Variants in LFNG observed in about 807,000 individuals in gnomAD.
The protein encoded by LFNG is LFNG O-fucosylpeptide 3-beta-N-acetylglucosaminyltransferase, also known as beta-1,3-N-acetylglucosaminyltransferase lunatic fringe.
LFNG carries 15 observed loss-of-function variants against 32.7 expected under a neutral mutation model. The observed-to-expected ratio is 0.46, with a 90% CI of 0.31 to 0.71. The LOEUF (loss-of-function observed/expected upper bound fraction) is 0.71, where lower values mean the gene tolerates loss of function less well. LFNG is among the 30% of genes least tolerant of loss of function. The pLI, the probability that LFNG is intolerant of heterozygous loss-of-function variation, is 0.06. For synonymous variants in LFNG, 274 were observed against 246.8 expected (o/e 1.11, Z -1.03); for missense variants, 520 against 545.7 (o/e 0.95, Z 0.47).
chr7:2,521,206 G>C (rs1245345141), intron 1 of LFNG, among the ~76,000 whole-genome samples: 1 of 152,148 alleles, frequency 6.6e-6, no homozygotes, highest in African/African-American at 2.4e-5. Context: ...AGGGCTTGGT[G>C]AGGTCATGAG....
At chr7:2,518,345 T>C (rs1779680459), upstream of LFNG, among the ~76,000 whole-genome samples, 1 of 152,126 alleles carries the variant, frequency 6.6e-6, no homozygotes, top group South Asian at 2.1e-4. Context: ...TGACTGCTAA[T>C]TACCTGGGGC....
At chr7:2,517,234 G>A (rs1474178188), upstream of LFNG, among the ~76,000 whole-genome samples, 1 of 152,140 alleles carries the variant, frequency 6.6e-6, no homozygotes, top group African/African-American at 2.4e-5. Context: ...ACCTCAAGAA[G>A]TCACCACGAA....
rs893240 is a variant in LFNG, at chr7:2,525,649, C to T, written c.736-36C>T. On this transcript the variant is annotated intron_variant, in intron 4 of 7. Coordinates refer to ENST00000222725, the MANE Select transcript of LFNG (RefSeq NM_001040167.2). ...GGGGTGGGACCGTGAGGGGCAGCAG[C>T]GCCTGGGTCTCAGGACACCTTCTCC... is the stretch of plus-strand genomic sequence containing the variant. The T allele has an allele frequency of 0.069, 111,738 of 1,611,928 alleles. 4,276 individuals are homozygous for T. The highest frequency in any genetic ancestry group is 0.11 in the East Asian group (4,842 of 44,858).
rs559622360 is a variant in LFNG, at chr7:2,520,802, G to A, written c.432+509G>A. Among the ~76,000 whole-genome samples the A allele has an allele frequency of 2.0e-5, 3 of 152,236 alleles. No individual in the cohort carries two copies. The highest frequency in any genetic ancestry group is 7.2e-5 in the African/African-American group (3 of 41,522). ...AGTCATTGCTGGTTGGTGGGTCCTG[G>A]GGAGTACATCTCAAAGAACTCCAGG... On this transcript the variant is annotated intron_variant, in intron 1 of 7. Transcript: ENST00000222725. This position sits in a 1 kb window ranked among gnomAD's most constrained non-coding sequence, Gnocchi z 5.0.
chr7:2,515,584 C>T (rs1317133480), upstream of LFNG, among the ~76,000 whole-genome samples: 1 of 152,250 alleles, frequency 6.6e-6, no homozygotes, highest in African/African-American at 2.4e-5. Flanking sequence ...TCTGTCCATG[C>T]CTGACCCCAG....
chr7:2,522,922 C>T (rs1335229861), intron 1 of LFNG, among the ~76,000 whole-genome samples: 1 of 152,228 alleles, frequency 6.6e-6, no homozygotes, highest in East Asian at 1.9e-4. Flanking sequence ...AGGCCTATAG[C>T]CCAGCAGCGC....
chr7:2,518,545 C>T (rs1164941031), upstream of LFNG: 2 of 1,372,198 alleles, frequency 1.5e-6, no homozygotes, highest in East Asian at 2.3e-5. Context: ...AAACCTGTTC[C>T]AGGTCTGAAT....
intron 5 of LFNG, 55 bp downstream of exon 5, chr7:2,525,825 G>A: frequency 6.7e-7 from 1 of 1,494,514 alleles, no homozygotes. Context: ...CGCCACTGTG[G>A]GGCCTGGCTT....
intron 1 of LFNG, among the ~76,000 whole-genome samples, chr7:2,522,497 TG>T (rs1179222484): frequency 6.6e-6 from 1 of 152,178 alleles, no homozygotes; most frequent in Non-Finnish European, 1.5e-5. Context: ...CCACAATTGC[TG>T]GGGAGAACTT....
rs745781230 is a variant in LFNG, at chr7:2,527,065, CGCCA to C, written c.1074-79_1074-76del. 8.1e-6 allele frequency: 12 copies of C among 1,484,066 alleles called. No individual in the cohort carries two copies. The highest frequency in any genetic ancestry group is 2.8e-5 in the African/African-American group (2 of 71,902). 91.9% of individuals were successfully genotyped at this position (1,484,066 alleles called of 1,614,324 possible). On this transcript the variant is annotated intron_variant, in intron 7 of 7. Transcript: ENST00000222725. The surrounding 1 kb of genome is among the most constrained non-coding windows in gnomAD (Gnocchi z 4.4). Reference sequence around the variant, plus strand: ...GAGTCCTGCTTGCTCGGGGTGGGGCCGCCAGTGTTGTGGGACTGCAAATGGGAGC... The same window carrying C: ...GAGTCCTGCTTGCTCGGGGTGGGGCCGTGTTGTGGGACTGCAAATGGGAGC...
chr7:2,528,822 C>T (rs1363738318), downstream of LFNG: 1 of 632,750 alleles, frequency 1.6e-6, no homozygotes, highest in Admixed American at 2.8e-5. Flanking sequence ...CCTTATCCAA[C>T]TTCACTCCTG....
upstream of LFNG, chr7:2,513,411 C>G: frequency 7.2e-7 from 1 of 1,398,172 alleles, no homozygotes; most frequent in Non-Finnish European, 9.6e-7. Flanking sequence ...GCTGTATCGT[C>G]TTCCCTGATC....
chr7:2,528,844 C>T, downstream of LFNG: 1 of 607,538 alleles, frequency 1.6e-6, no homozygotes, highest in Non-Finnish European at 3.0e-6. Context: ...CACGAGCTCA[C>T]AGAGTCCACA....
In LFNG at chr7:2,527,139, C is replaced by G; in HGVS notation, c.1074-7C>G. The G allele has an allele frequency of 6.2e-7, 1 of 1,612,078 alleles. No homozygotes were observed. The highest frequency in any genetic ancestry group is 8.5e-7 in the Non-Finnish European group (1 of 1,179,540). On this transcript the variant is annotated splice_region_variant and splice_polypyrimidine_tract_variant and intron_variant, in intron 7 of 7. Coordinates refer to ENST00000222725, the MANE Select transcript of LFNG (RefSeq NM_001040167.2). This position sits in a 1 kb window ranked among gnomAD's most constrained non-coding sequence, Gnocchi z 4.4. Reference sequence around the variant, plus strand: ...CACGCAGACCAGCCCCTGCTCTGTTCCCACAGGTTCCGCTCCATCCACTGC... The same window carrying G: ...CACGCAGACCAGCCCCTGCTCTGTTGCCACAGGTTCCGCTCCATCCACTGC...
intron 1 of LFNG, among the ~76,000 whole-genome samples, chr7:2,523,361 C>T (rs1374816432): frequency 6.6e-6 from 1 of 152,108 alleles, no homozygotes; most frequent in Non-Finnish European, 1.5e-5. Context: ...TGGGCCTCAC[C>T]CTAGTGAGCA....
At chr7:2,516,369 G>T (rs1779628049), upstream of LFNG, among the ~76,000 whole-genome samples, 1 of 152,220 alleles carries the variant, frequency 6.6e-6, no homozygotes, top group Non-Finnish European at 1.5e-5. Context: ...CTGCAGGAAG[G>T]CAGGCCAGAG....
In LFNG at chr7:2,527,520, T is replaced by G; in HGVS notation, c.*308T>G. ...CACTCCGAGGGCAATTCTGTTAGGATTTTTGGATCTTTCTACAGCTACGGG... is the reference window on the plus strand; with the variant it reads ...CACTCCGAGGGCAATTCTGTTAGGAGTTTTGGATCTTTCTACAGCTACGGG... On this transcript the variant is annotated 3_prime_UTR_variant, in exon 8 of 8. Transcript: ENST00000222725. This position sits in a 1 kb window ranked among gnomAD's most constrained non-coding sequence, Gnocchi z 4.4. 1 of 1,326,238 alleles carries G rather than the reference T, an allele frequency of 7.5e-7. No individual in the cohort carries two copies. The highest frequency in any genetic ancestry group is 9.7e-7 in the Non-Finnish European group (1 of 1,029,660). 82.2% of individuals were successfully genotyped at this position (1,326,238 alleles called of 1,614,324 possible).
Position 2,526,170 on chromosome 7 carries a change from C to G in LFNG, c.822-74C>G. ...TCCCTGAGGAGTGCAGCGCCTTTGC[C>G]TGGTGGGGCCTCCCCAGCTCCCAGC... is the stretch of plus-strand genomic sequence containing the variant. On this transcript the variant is annotated intron_variant, in intron 5 of 7. Transcript: ENST00000222725. The surrounding 1 kb of genome is among the most constrained non-coding windows in gnomAD (Gnocchi z 6.9). 1 of 1,552,280 alleles carries G rather than the reference C, an allele frequency of 6.4e-7. No individual in the cohort carries two copies. Among genetic ancestry groups the G allele is most frequent in the South Asian group, 1.1e-5 (1 of 89,404 alleles).
At chr7:2,513,513 C>A (rs1779540502), upstream of LFNG, among the ~76,000 whole-genome samples, 1 of 152,178 alleles carries the variant, frequency 6.6e-6, no homozygotes, top group African/African-American at 2.4e-5. Flanking sequence ...AGCAGGGCTC[C>A]CCTGGGGCCA....
Sources: allele counts gnomAD v4.1 joint callset (sites outside exome capture counted in the v4.1 genomes callset), GRCh38; gene constraint gnomAD v4.1.1; non-coding constraint Gnocchi (gnomAD v3.1); transcripts MANE v1.5; gene names NCBI Gene and HGNC (gene_info 2026-07-23, HGNC 2026-07-21).